Variants in MYO1A observed in about 807,000 individuals in gnomAD.
MYO1A encodes the protein unconventional myosin-Ia.
In MYO1A, 127 loss-of-function variants were observed where a neutral mutation model predicts 138.5. That is an observed-to-expected ratio of 0.92 (90% CI 0.79 to 1.06). The LOEUF (loss-of-function observed/expected upper bound fraction) is 1.06. Ranked by LOEUF, MYO1A falls within the 50% of genes least tolerant of loss-of-function variation. The probability of loss-of-function intolerance (pLI) is 0.00; values close to 1 mark genes in which losing one functional copy is unlikely to be tolerated. For missense variants in MYO1A, 1,211 were observed against 1,288.8 expected, an observed-to-expected ratio of 0.94 and a Z score of 0.92; for synonymous variants, 477 against 497.5, an observed-to-expected ratio of 0.96 and a Z score of 0.55.
intron 12 of MYO1A, among the ~76,000 whole-genome samples, chr12:57,042,126 A>C (rs1005698905): frequency 2.0e-5 from 3 of 152,188 alleles, no homozygotes; most frequent in Non-Finnish European, 4.4e-5. Flanking sequence ...TATACCCATT[A>C]TTAGTCACTC....
chr12:57,047,374 G>A lies in MYO1A; in HGVS notation c.359C>T (p.Ala120Val). Residue 120 changes from alanine to valine, a missense_variant, in exon 5 of 28, where the codon GCC becomes GTC. Transcript: ENST00000300119. Reference sequence around the variant, plus strand: ...CACCTGCTCTCCTTTCCCACAGACGGCAGCCACATAAGACATCACCAGCTT... The same window carrying A: ...CACCTGCTCTCCTTTCCCACAGACGACAGCCACATAAGACATCACCAGCTT... The part of the protein sequence containing the change: ...ASKLVMSYVA[A>V]VCGKGEQVNS... 1 of 1,614,044 alleles carries A rather than the reference G, an allele frequency of 6.2e-7. No individual in the cohort carries two copies. The highest frequency in any genetic ancestry group is 8.5e-7 in the Non-Finnish European group (1 of 1,180,012).
intron 25 of MYO1A, 29 bp from the exon 26 acceptor site, chr12:57,029,616 A>G (rs1303784682): frequency 1.2e-6 from 2 of 1,614,178 alleles, no homozygotes; most frequent in Admixed American, 1.7e-5. Flanking sequence ...AGGGTGAGGA[A>G]AGGCAGGATT....
intron 2 of MYO1A, 49 bp from the exon 3 acceptor site, chr12:57,048,153 A>G (rs1384724619): frequency 6.3e-7 from 1 of 1,596,388 alleles, no homozygotes; most frequent in Non-Finnish European, 8.6e-7. Flanking sequence ...GTGAGGTGGG[A>G]GCCTGTGACC....
chr12:57,030,331 G>A lies in MYO1A; in HGVS notation c.2485-15C>T, dbSNP rs1035475301. 3.1e-6 allele frequency: 5 copies of A among 1,608,236 alleles called. No homozygotes were observed. The Admixed American group carries it at 6.7e-5, about 21-fold the overall frequency. The stretch of plus-strand genomic sequence containing the variant: ...AACCTCTTGCACTGTGAGGAAGGAG[G>A]GACAGGAGCTAAAATCATAGAGTGG... On this transcript the variant is annotated splice_polypyrimidine_tract_variant and intron_variant, in intron 23 of 27. Coordinates refer to ENST00000300119, the MANE Select transcript of MYO1A (RefSeq NM_005379.4).
Position 57,029,186 on chromosome 12 carries a change from T to C in MYO1A, c.2951A>G (p.Tyr984Cys). 3 of 1,613,966 alleles carry C rather than the reference T, an allele frequency of 1.9e-6. No individual in the cohort carries two copies. Among genetic ancestry groups the C allele is most frequent in the Non-Finnish European group, 2.5e-6 (3 of 1,179,990 alleles). ...EHVIELLTKM[Y>C]RAVLDATQRQ... ...CTGCGTGGCATCCAGCACAGCCCGG[T>C]ACATTTTGGTCAGCAGTTCAATCAC... The change falls in exon 27 of 28, where the codon TAC (tyrosine) becomes TGC (cysteine). Residue 984 changes from tyrosine (Y) to cysteine (C), a missense_variant. Physicochemically the swap from Tyr to Cys is radical, Grantham distance 194. Coordinates refer to ENST00000300119, the MANE Select transcript of MYO1A (RefSeq NM_005379.4).
rs1395914140 is a variant in MYO1A, at chr12:57,029,564, C to T, written c.2748G>A (p.Leu916=). Residue 916 remains leucine (L), a synonymous_variant, in exon 26 of 28, where the codon CTG becomes CTA. Transcript: ENST00000300119. ...CTGTGAGAATCACATGGCCCTTGGT[C>T]AGGAGGAGAATCCGAGAAGAAGTCT... ...NGKTSSRILL[L]TKGHVILTDT... The T allele has an allele frequency of 1.2e-6, 2 of 1,614,082 alleles. No individual in the cohort carries two copies. Among genetic ancestry groups the T allele is most frequent in the Non-Finnish European group, 1.7e-6 (2 of 1,180,034 alleles).
At chr12:57,036,576 C>G (rs544009076) in intron 21 of MYO1A, among the ~76,000 whole-genome samples, 195 bp from the exon 22 acceptor site, 1 of 152,188 alleles carries the variant, frequency 6.6e-6, no homozygotes, top group Non-Finnish European at 1.5e-5. Flanking sequence ...CCAAGTTAGG[C>G]ATCTACCCAC....
chr12:57,040,819 G>C (rs1167699566), intron 14 of MYO1A, among the ~76,000 whole-genome samples: 1 of 152,220 alleles, frequency 6.6e-6, no homozygotes, highest in Non-Finnish European at 1.5e-5. Flanking sequence ...TAGGGCCCGG[G>C]GGAGACCAAG....
rs941792124 is a variant in MYO1A at position 57,043,947 on chromosome 12, C to T, written c.801G>A (p.Val267=). Residue 267 remains valine (V), a synonymous_variant, in exon 10 of 28, where the codon GTG becomes GTA. Coordinates refer to ENST00000300119, the MANE Select transcript of MYO1A (RefSeq NM_005379.4). ...TCCCCAGCTTTAGCACCATGGATGT[C>T]ACCTCTAGCACTTGTCGAATCTCCT... is the stretch of plus-strand genomic sequence containing the variant. ...SEEEIRQVLE[V]TSMVLKLGNV... The T allele has an allele frequency of 1.2e-6, 2 of 1,614,186 alleles. No individual in the cohort carries two copies. The highest frequency in any genetic ancestry group is 2.2e-5 in the East Asian group (1 of 44,884).
intron 23 of MYO1A, 45 bp downstream of exon 23, chr12:57,030,994 GA>G (rs201537062): frequency 2.7e-5 from 44 of 1,603,698 alleles, no homozygotes; most frequent in Middle Eastern, 4.1e-4. Context: ...CAGGGGGAGG[GA>G]AAAAAAAGAC....
chr12:57,046,611 C>A lies in MYO1A; in HGVS notation c.581G>T (p.Gly194Val). 1 of 1,614,068 alleles carries A rather than the reference C, an allele frequency of 6.2e-7. No homozygotes were observed. The highest frequency in any genetic ancestry group is 1.1e-5 in the South Asian group (1 of 91,080). Reference sequence around the variant, plus strand: ...ATAGAAGATGTGGAAGTTCCTTTCTCCTTTGAGCTGCTTCACTAATCGGGA... The same window carrying A: ...ATAGAAGATGTGGAAGTTCCTTTCTACTTTGAGCTGCTTCACTAATCGGGA... Reference protein sequence around the residue: ...EKSRLVKQLKGERNFHIFYQL... With the variant: ...EKSRLVKQLKVERNFHIFYQL... Residue 194 changes from glycine to valine, a missense_variant, in exon 8 of 28, where the codon GGA (glycine) becomes GTA (valine). By Grantham distance (109) the Gly-to-Val change is moderately radical (BLOSUM62 -3). Transcript: ENST00000300119.
chr12:57,050,507 G>A (rs1196723395), upstream of MYO1A, among the ~76,000 whole-genome samples: 7 of 152,272 alleles, frequency 4.6e-5, no homozygotes, highest in Admixed American at 1.3e-4. Context: ...GCAACATGGC[G>A]AGACACGTCT....
At chr12:57,041,061 C>T (rs1371181266) in intron 14 of MYO1A, 123 bp downstream of exon 14, 2 of 744,598 alleles carry the variant, frequency 2.7e-6, no homozygotes, top group East Asian at 5.1e-5. Context: ...GCAAGGGAAA[C>T]ATTTTGTCCT....
At chr12:57,047,430 T>A in intron 4 of MYO1A, 23 bp from the exon 5 acceptor site, 2 of 1,609,606 alleles carry the variant, frequency 1.2e-6, no homozygotes, top group Non-Finnish European at 1.7e-6. Context: ...AACGCTCTCA[T>A]GGGTCCCCAC....
chr12:57,036,219 G>A, intron 22 of MYO1A, 88 bp downstream of exon 22: 2 of 1,310,734 alleles, frequency 1.5e-6, no homozygotes, highest in South Asian at 1.2e-5. Context: ...TTGGGGGAAA[G>A]CTTTGGGTTG....
intron 9 of MYO1A, 34 bp from the exon 10 acceptor site, chr12:57,044,037 G>C: frequency 3.1e-6 from 5 of 1,614,150 alleles, no homozygotes; most frequent in Non-Finnish European, 4.2e-6. Flanking sequence ...AAGCTGAACT[G>C]TTGGTGCCAG....
chr12:57,029,974 A>G, intron 24 of MYO1A, 102 bp from the exon 25 acceptor site: 1 of 1,558,140 alleles, frequency 6.4e-7, no homozygotes, highest in Non-Finnish European at 8.8e-7. Flanking sequence ...CCCCACATCC[A>G]CGTATCCTCT....
chr12:57,032,580 G>C (rs2030337352), intron 22 of MYO1A, among the ~76,000 whole-genome samples: 1 of 152,182 alleles, frequency 6.6e-6, no homozygotes. Flanking sequence ...CTACTCTAGA[G>C]GTTGAGACAG....
rs1251014703 is a variant in MYO1A, at chr12:57,029,277, A to G, written c.2878-18T>C. The G allele has an allele frequency of 6.2e-7, 1 of 1,613,936 alleles. No homozygotes were observed. The highest frequency in any genetic ancestry group is 8.5e-7 in the Non-Finnish European group (1 of 1,180,028). On this transcript the variant is annotated intron_variant, in intron 26 of 27. Transcript: ENST00000300119. ...GATGACATCTTAGGAAGAGGGAAAA[A>G]TAGCAGGAAAGGGATTCATTTTTTC... is the stretch of plus-strand genomic sequence containing the variant.
Sources: allele counts gnomAD v4.1 joint callset (sites outside exome capture counted in the v4.1 genomes callset), GRCh38; gene constraint gnomAD v4.1.1; transcripts MANE v1.5; gene names NCBI Gene and HGNC (gene_info 2026-07-23, HGNC 2026-07-21).